DDC: variants seen among roughly 807,000 people sequenced by gnomAD.
DDC encodes dopa decarboxylase, also known as aromatic-L-amino-acid decarboxylase.
Under a neutral mutation model 60.0 loss-of-function variants are expected in DDC, and 43 were observed. The ratio of observed to expected loss-of-function variants is 0.72; its 90% CI spans 0.56 to 0.92. The LOEUF (loss-of-function observed/expected upper bound fraction) is 0.92. Among genes scored for constraint, DDC ranks in the 40% least tolerant of loss-of-function variants. The pLI, the probability that DDC is intolerant of heterozygous loss-of-function variation, is 0.00. For synonymous variants in DDC, 232 were observed against 234.6 expected (o/e 0.99, Z 0.10); for missense variants, 573 against 620.2 (o/e 0.92, Z 0.81).
chr7:50,544,038 G>A lies in DDC; in HGVS notation c.48C>T (p.Tyr16=), dbSNP rs745576871. Reference sequence around the variant, plus strand: ...CAATGCCTTCCATGTAGTTGGCCATGTAATCCACCATCTCCTTCCCTCTCC... The same window carrying A: ...CAATGCCTTCCATGTAGTTGGCCATATAATCCACCATCTCCTTCCCTCTCC... ...FRRRGKEMVD[Y]MANYMEGIEG... is the part of the protein sequence containing the mutation. The change falls in exon 2 of 15, where the codon TAC becomes TAT. Residue 16 remains tyrosine (Y), a synonymous_variant. Transcript: ENST00000444124. 1.9e-5 allele frequency: 30 copies of A among 1,614,008 alleles called. No homozygotes were observed. The highest frequency in any genetic ancestry group is 5.0e-5 in the Admixed American group (3 of 59,994).
rs1409350501 is a variant in DDC at position 50,458,695 on chromosome 7, A to G, written c.*167T>C. ...AGCAAATAATATTTCTTTGTTGATG[A>G]GATACTAAGCAGACAAAATCACAAC... On this transcript the variant is annotated 3_prime_UTR_variant, in exon 15 of 15. Coordinates refer to ENST00000444124, the MANE Select transcript of DDC (RefSeq NM_001082971.2). 1 of 152,248 alleles carries G rather than the reference A, an allele frequency of 6.6e-6. No homozygotes were observed. The highest frequency in any genetic ancestry group is 2.1e-4 in the South Asian group (1 of 4,836). 9.4% of individuals were successfully genotyped at this position (152,248 alleles called of 1,614,324 possible).
At chr7:50,494,482 C>A (rs184195859) in intron 9 of DDC, among the ~76,000 whole-genome samples, 1 of 150,970 alleles carries the variant, frequency 6.6e-6, no homozygotes, top group Non-Finnish European at 1.5e-5. Context: ...CCAGCCTGGG[C>A]GACAGAATGA....
intron 4 of DDC, 55 bp downstream of exon 4, chr7:50,537,805 A>AT: frequency 6.2e-7 from 1 of 1,611,634 alleles, no homozygotes; most frequent in South Asian, 1.1e-5. Flanking sequence ...CTGCGGCTAC[A>AT]GTCCTGTGCA....
intron 6 of DDC, among the ~76,000 whole-genome samples, chr7:50,515,736 T>G (rs1480001782): frequency 6.6e-6 from 1 of 152,186 alleles, no homozygotes; most frequent in South Asian, 2.1e-4. Flanking sequence ...GAAAAAGGCA[T>G]TTCATGCAAA....
intron 2 of DDC, chr7:50,541,503 G>T (rs199836192): frequency 6.6e-6 from 1 of 152,252 alleles, no homozygotes; most frequent in Non-Finnish European, 1.5e-5. Context: ...GGGCATGAGG[G>T]TGGGGTCCCC....
At chr7:50,472,220 T>C (rs2042549047) in intron 11 of DDC, among the ~76,000 whole-genome samples, 1 of 152,172 alleles carries the variant, frequency 6.6e-6, no homozygotes, top group African/African-American at 2.4e-5. Context: ...TTTGCCTTTT[T>C]AGTCCCAGCC....
intron 7 of DDC, 128 bp from the exon 8 acceptor site, chr7:50,499,370 T>C (rs973995682): frequency 5.6e-6 from 4 of 712,072 alleles, no homozygotes; most frequent in Admixed American, 4.0e-5. Context: ...AACTAATGGC[T>C]GAATCCCCAA....
intron 9 of DDC, among the ~76,000 whole-genome samples, chr7:50,494,958 C>T (rs930495919): frequency 1.3e-4 from 20 of 152,096 alleles, no homozygotes; most frequent in African/African-American, 3.9e-4. Flanking sequence ...CCACTGTGCC[C>T]GGCCTTAGCA....
At chr7:50,467,983 A>G (rs11575518) in intron 12 of DDC, among the ~76,000 whole-genome samples, 8,021 of 152,294 alleles carry the variant, frequency 0.053, 492 homozygotes, top group African/African-American at 0.15. Flanking sequence ...TTCACTTCCA[A>G]ATAGTTATAG....
intron 6 of DDC, among the ~76,000 whole-genome samples, chr7:50,515,224 A>G (rs1329750910): frequency 6.6e-6 from 1 of 152,234 alleles, no homozygotes; most frequent in African/African-American, 2.4e-5. Context: ...CAGAAACCCT[A>G]CAAGCCAGAA....
At chr7:50,498,907 C>T (rs1453741532) in intron 8 of DDC, among the ~76,000 whole-genome samples, 1 of 152,136 alleles carries the variant, frequency 6.6e-6, no homozygotes, top group Non-Finnish European at 1.5e-5. Flanking sequence ...TTTATTCTTT[C>T]TGTTTGGGAT....
At chr7:50,503,929 G>T in intron 7 of DDC, 64 bp downstream of exon 7, 2 of 1,129,236 alleles carry the variant, frequency 1.8e-6, no homozygotes, top group African/African-American at 1.5e-5. Flanking sequence ...CAACGAGGAA[G>T]GTTTGCTAAA....
At chr7:50,481,877 T>C (rs2042777072) in intron 9 of DDC, among the ~76,000 whole-genome samples, 1 of 152,236 alleles carries the variant, frequency 6.6e-6, no homozygotes, top group South Asian at 2.1e-4. Context: ...TACCCCAAAA[T>C]AGACCTATGA....
chr7:50,505,859 G>A (rs532671005), intron 6 of DDC, among the ~76,000 whole-genome samples: 1 of 152,278 alleles, frequency 6.6e-6, no homozygotes. Flanking sequence ...TCAGGCGCAG[G>A]AGGGGCAGTC....
intron 2 of DDC, chr7:50,542,773 C>T (rs773282552): frequency 1.3e-5 from 2 of 152,272 alleles, no homozygotes. Context: ...GTTCTTTGCT[C>T]AAAGCATAAA....
chr7:50,484,027 T>C (rs1031961595), intron 9 of DDC, among the ~76,000 whole-genome samples: 12 of 152,216 alleles, frequency 7.9e-5, no homozygotes, highest in Admixed American at 1.3e-4. Flanking sequence ...TTTGGTATCA[T>C]GTTTTGTTGT....
At chr7:50,494,481 GCGA>G (rs1038235312) in intron 9 of DDC, among the ~76,000 whole-genome samples, 1 of 151,814 alleles carries the variant, frequency 6.6e-6, no homozygotes, top group Non-Finnish European at 1.5e-5. Context: ...TCCAGCCTGG[GCGA>G]CAGAATGAGA....
chr7:50,460,197 C>G (rs2042235428), intron 14 of DDC, among the ~76,000 whole-genome samples: 2 of 145,938 alleles, frequency 1.4e-5, no homozygotes, highest in African/African-American at 5.2e-5. Flanking sequence ...GGGGGTCAGC[C>G]CCTGGCCCGG....
At chr7:50,558,439 C>T (rs1425779058) in intron 1 of DDC, among the ~76,000 whole-genome samples, 10 of 152,156 alleles carry the variant, frequency 6.6e-5, no homozygotes, top group Non-Finnish European at 1.3e-4. Context: ...GGCCTGGGGC[C>T]TGGTGTTGCT....
Sources: allele counts gnomAD v4.1 joint callset (sites outside exome capture counted in the v4.1 genomes callset), GRCh38; gene constraint gnomAD v4.1.1; transcripts MANE v1.5; gene names NCBI Gene and HGNC (gene_info 2026-07-23, HGNC 2026-07-21).